KNDC1: variants seen among roughly 807,000 people sequenced by gnomAD.
KNDC1 encodes the protein kinase non-catalytic C-lobe domain containing 1.
A neutral mutation model predicts 172.8 loss-of-function variants in KNDC1; 106 were observed. That is an observed-to-expected ratio of 0.61 (90% confidence interval 0.52 to 0.72). The LOEUF is 0.72. Among genes scored for constraint, KNDC1 ranks in the 30% least tolerant of loss-of-function variants. The pLI is 0.00. For missense variants in KNDC1, 2,325 were observed against 2,394.5 expected (o/e 0.97, Z 0.61); for synonymous variants, 1,083 against 1,062.2 (o/e 1.02, Z -0.38).
intron 17 of KNDC1, among the ~76,000 whole-genome samples, chr10:133,204,558 G>A (rs568183116): frequency 7.2e-5 from 11 of 152,336 alleles, no homozygotes; most frequent in East Asian, 5.8e-4. Flanking sequence ...GCACCGCCAC[G>A]GCCGCTGCTG....
At chr10:133,175,708 A>G (rs1221121705) in intron 3 of KNDC1, among the ~76,000 whole-genome samples, 1 of 145,590 alleles carries the variant, frequency 6.9e-6, no homozygotes, top group Non-Finnish European at 1.5e-5. Context: ...ACAGTCGGAT[A>G]GGGATGGATG....
At chr10:133,164,473 G>A (rs1381829735) in intron 1 of KNDC1, among the ~76,000 whole-genome samples, 1 of 152,228 alleles carries the variant, frequency 6.6e-6, no homozygotes, top group African/African-American at 2.4e-5. Flanking sequence ...TGGGCAGACA[G>A]GTGCGCAGGA....
At chr10:133,188,721 C>G (rs1418282901) in intron 7 of KNDC1, 68 bp downstream of exon 7, 2 of 676,386 alleles carry the variant, frequency 3.0e-6, no homozygotes, top group East Asian at 8.7e-5. Context: ...CCCCCACCGC[C>G]GTCCCACACC....
chr10:133,183,214 G>A (rs1298244732), intron 3 of KNDC1, 130 bp from the exon 4 acceptor site: 36 of 1,164,710 alleles, frequency 3.1e-5, no homozygotes, highest in African/African-American at 1.1e-4. Context: ...GCGTGGGCAC[G>A]GGTGCTGCTT....
rs778112975 is a variant in KNDC1 at position 133,186,508 on chromosome 10, C to T, written c.1160C>T (p.Pro387Leu). Residue 387 changes from proline (P) to leucine (L), a missense_variant, in exon 6 of 30, where the codon CCT (proline) becomes CTT (leucine). Transcript: ENST00000304613. The stretch of plus-strand genomic sequence containing the variant: ...GCAGGCCGCAGCACGGACAGGGGCC[C>T]TGGGGTGCCCGGCAGTCCAGGACAG... ...PCAGRSTDRG[P>L]GVPGSPGQPE... The T allele has an allele frequency of 1.2e-6, 2 of 1,612,378 alleles. No homozygotes were observed. The highest frequency in any genetic ancestry group is 8.5e-7 in the Non-Finnish European group (1 of 1,179,792).
intron 1 of KNDC1, among the ~76,000 whole-genome samples, chr10:133,166,761 G>C (rs1853172447): frequency 6.6e-6 from 1 of 152,044 alleles, no homozygotes; most frequent in Non-Finnish European, 1.5e-5. Flanking sequence ...GGGGGGTGTG[G>C]GTGTTGGTGG....
In KNDC1 at chr10:133,169,880, G is replaced by A. The variant is rs114481122; in HGVS notation, c.360+1568G>A. 6.5e-3 allele frequency among the ~76,000 whole-genome samples: 983 copies of A among 152,344 alleles called. 10 individuals carry two copies. Among genetic ancestry groups the A allele is most frequent in the African/African-American group, 0.022 (920 of 41,572 alleles). ...CCTGGACATGACCTCAGCCCAGGCC[G>A]TGCCCGGTCCCCCTACTCCGTGGTT... On this transcript the variant is annotated intron_variant, in intron 3 of 29. Transcript: ENST00000304613.
intron 9 of KNDC1, among the ~76,000 whole-genome samples, chr10:133,192,256 C>T (rs957790734): frequency 7.2e-5 from 11 of 152,204 alleles, no homozygotes; most frequent in Admixed American, 5.2e-4. Flanking sequence ...TCAAACTATA[C>T]TACAAGGCCA....
Position 133,224,600 on chromosome 10 carries a change from C to A in KNDC1, c.5019-59C>A, listed in dbSNP as rs1296349548. Reference sequence around the variant, plus strand: ...CTAAGAACGCGGGGGGACTCCCTCCCCACGGAAGCCGCGCCCCTGCCCTGT... The same window carrying A: ...CTAAGAACGCGGGGGGACTCCCTCCACACGGAAGCCGCGCCCCTGCCCTGT... On this transcript the variant is annotated intron_variant, in intron 29 of 29. Coordinates refer to ENST00000304613, the MANE Select transcript of KNDC1 (RefSeq NM_152643.8). This position sits in a 1 kb window ranked among gnomAD's most constrained non-coding sequence, Gnocchi z 5.4. 1 of 1,289,274 alleles carries A rather than the reference C, an allele frequency of 7.8e-7. No individual in the cohort carries two copies. Among genetic ancestry groups the A allele is most frequent in the Non-Finnish European group, 1.1e-6 (1 of 909,624 alleles). The allele number at this position is 1,289,274 out of a possible 1,614,324, so 79.9% of individuals were successfully genotyped here.
At chr10:133,166,431 G>A (rs1853155316) in intron 1 of KNDC1, among the ~76,000 whole-genome samples, 1 of 150,510 alleles carries the variant, frequency 6.6e-6, no homozygotes, top group Non-Finnish European at 1.5e-5. Flanking sequence ...TGTGCACCAA[G>A]TGTGGGAATG....
intron 2 of KNDC1, 110 bp downstream of exon 2, chr10:133,167,689 G>C: frequency 8.1e-7 from 1 of 1,239,260 alleles, no homozygotes; most frequent in Non-Finnish European, 1.1e-6. Context: ...AGCATGCCCG[G>C]ACCCGGGTTT....
intron 3 of KNDC1, among the ~76,000 whole-genome samples, chr10:133,182,396 A>G (rs895280101): frequency 7.2e-6 from 1 of 138,590 alleles, no homozygotes; most frequent in African/African-American, 3.5e-5. Context: ...AGCCTGGACT[A>G]GAGTGGACAC....
At chr10:133,205,110 A>AGGGCCGTCTCTGGGGTCACTGCCCTGGC (rs1201325121) in intron 17 of KNDC1, among the ~76,000 whole-genome samples, 2 of 151,394 alleles carry the variant, frequency 1.3e-5, no homozygotes, top group Non-Finnish European at 2.9e-5. Flanking sequence ...CCTAGAGGGA[A>AGGGCCGTCTCTGGGGTCACTGCCCTGGC]GGGCCGTCTC....
At position 133,195,749 on chromosome 10, in the gene KNDC1, G is replaced by A; in HGVS notation, c.1662G>A (p.Arg554=). The A allele has an allele frequency of 6.2e-7, 1 of 1,610,904 alleles. No individual in the cohort carries two copies. The highest frequency in any genetic ancestry group is 1.1e-5 in the South Asian group (1 of 90,542). ...PRNHKLALPR[R]LKTLLLDMAR... is the part of the protein sequence containing the mutation. ...ACCACAAGCTGGCCCTGCCACGCAGGCTCAAGACCCTCCTCCTGGACATGG... is the reference window on the plus strand; with the variant it reads ...ACCACAAGCTGGCCCTGCCACGCAGACTCAAGACCCTCCTCCTGGACATGG... The change falls in exon 10 of 30, where the codon AGG becomes AGA. Residue 554 remains arginine, a synonymous_variant. Coordinates refer to ENST00000304613, the MANE Select transcript of KNDC1 (RefSeq NM_152643.8).
chr10:133,180,316 A>G lies in KNDC1; in HGVS notation c.361-3028A>G, dbSNP rs550542520. On this transcript the variant is annotated intron_variant, in intron 3 of 29. Transcript: ENST00000304613. ...TGCATCGGTGCAAGGCAGGCCCCGT[A>G]TGGCTCTGCACCTCGAGGGCCGACT... 1.6e-3 allele frequency among the ~76,000 whole-genome samples: 243 copies of G among 152,322 alleles called. 1 individual carries two copies. Among genetic ancestry groups the G allele is most frequent in the African/African-American group, 4.5e-3 (189 of 41,582 alleles).
chr10:133,220,738 C>T (rs1257822797), intron 29 of KNDC1, among the ~76,000 whole-genome samples: 1 of 90,414 alleles, frequency 1.1e-5, no homozygotes, highest in Non-Finnish European at 2.3e-5. Context: ...GGGGCTCAGG[C>T]GGCCGCGCGC....
chr10:133,210,678 G>GA lies in KNDC1; in HGVS notation c.3863dup (p.Asp1288GlufsTer115). 6.2e-7 allele frequency: 1 copy of GA among 1,613,968 alleles called. No individual in the cohort carries two copies. Among genetic ancestry groups the GA allele is most frequent in the East Asian group, 2.2e-5 (1 of 44,882 alleles). On this transcript the variant is annotated frameshift_variant, in exon 21 of 30. Coordinates refer to ENST00000304613, the MANE Select transcript of KNDC1 (RefSeq NM_152643.8). LOFTEE classifies it high-confidence loss of function. ...CTTCCGCTACTTCTGCACACCCCACGACTTCCTGCACTTCCTCCTCGACCG... is the reference window on the plus strand; with the variant it reads ...CTTCCGCTACTTCTGCACACCCCACGAACTTCCTGCACTTCCTCCTCGACCG...
chr10:133,221,834 C>CTGGGCA, intron 29 of KNDC1, among the ~76,000 whole-genome samples: 2 of 117,042 alleles, frequency 1.7e-5, no homozygotes, highest in African/African-American at 5.6e-5. Flanking sequence ...CCTAGGTAGG[C>CTGGGCA]CGGGCTGGGT....
chr10:133,183,280 C>T (rs956547517), intron 3 of KNDC1, 64 bp from the exon 4 acceptor site: 9 of 1,483,542 alleles, frequency 6.1e-6, no homozygotes, highest in Non-Finnish European at 8.1e-6. Flanking sequence ...CGGAGAAGTG[C>T]TGGCCGCGGT....
Sources: gnomAD v4.1 joint callset for allele counts (sites outside exome capture counted in the v4.1 genomes callset) on GRCh38, gnomAD v4.1.1 for gene constraint, Gnocchi (gnomAD v3.1) non-coding constraint, MANE v1.5 for transcripts, NCBI Gene and HGNC (gene_info 2026-07-23, HGNC 2026-07-21) for gene names.